The following DLGAP2 variants were observed in gnomAD, a reference collection of about 807,000 sequenced individuals.
The protein encoded by DLGAP2 is DLG associated protein 2.
A neutral mutation model predicts 100.3 loss-of-function variants in DLGAP2; 26 were observed. The ratio of observed to expected loss-of-function variants is 0.26; its 90% CI spans 0.19 to 0.36. The LOEUF (loss-of-function observed/expected upper bound fraction) is 0.36, where lower values mean the gene tolerates loss of function less well. DLGAP2 is among the 10% of genes least tolerant of loss of function. The pLI is 1.00. For synonymous variants in DLGAP2, 886 were observed against 630.1 expected, an observed-to-expected ratio of 1.41 and a Z score of -6.08; for missense variants, 1,858 against 1,453.2, an observed-to-expected ratio of 1.28 and a Z score of -4.53.
At chr8:1,098,043 T>A (rs1279649564) in intron 2 of DLGAP2, among the ~76,000 whole-genome samples, 1 of 152,278 alleles carries the variant, frequency 6.6e-6, no homozygotes, top group Non-Finnish European at 1.5e-5. Flanking sequence ...CTACGTTGAC[T>A]GGTTTTGATC....
chr8:1,566,416 G>A lies in DLGAP2; in HGVS notation c.1442+522G>A, dbSNP rs1341075434. On this transcript the variant is annotated intron_variant, in intron 6 of 14. Transcript: ENST00000637795. ...ATTTATTATTAATAAATTTAATTTT[G>A]AAAATATAGACAGATAAAACTCTTT... is the stretch of plus-strand genomic sequence containing the variant. Among the ~76,000 whole-genome samples, 3 of 152,076 alleles carry A rather than the reference G, an allele frequency of 2.0e-5. No individual in the cohort carries two copies. The East Asian group carries it at 5.8e-4, about 29-fold the overall frequency.
intron 3 of DLGAP2, among the ~76,000 whole-genome samples, chr8:1,484,461 G>A (rs548808170): frequency 2.6e-5 from 4 of 152,364 alleles, no homozygotes; most frequent in South Asian, 4.1e-4. Context: ...GCGACTGGAC[G>A]GCTCTGCCCC....
intron 2 of DLGAP2, among the ~76,000 whole-genome samples, chr8:916,763 C>T (rs1798602919): frequency 6.6e-6 from 1 of 152,224 alleles, no homozygotes; most frequent in South Asian, 2.1e-4. Context: ...GATTTCAAGG[C>T]AAATGGCTGA....
chr8:1,565,451 T>C (rs1033586249), intron 5 of DLGAP2: 68 of 430,524 alleles, frequency 1.6e-4, no homozygotes, highest in Middle Eastern at 5.9e-4. Context: ...TTTTCTCACA[T>C]GTTCTCACTT....
chr8:1,190,046 G>C (rs1797599357), intron 2 of DLGAP2, among the ~76,000 whole-genome samples: 1 of 152,200 alleles, frequency 6.6e-6, no homozygotes, highest in Non-Finnish European at 1.5e-5. Context: ...CTGAGAGTTG[G>C]CAGGCTAATT....
chr8:1,660,678 A>C (rs1032362991), intron 8 of DLGAP2, among the ~76,000 whole-genome samples: 11 of 152,228 alleles, frequency 7.2e-5, no homozygotes, highest in Non-Finnish European at 7.3e-5. Flanking sequence ...GGGGTCATTA[A>C]CAAAGGGACT....
intron 2 of DLGAP2, among the ~76,000 whole-genome samples, chr8:1,258,509 G>A (rs1456811539): frequency 6.6e-6 from 1 of 152,092 alleles, no homozygotes; most frequent in Admixed American, 6.5e-5. Flanking sequence ...CCTGGATGAT[G>A]GATTGATGGT....
intron 1 of DLGAP2, among the ~76,000 whole-genome samples, chr8:779,881 G>T (rs905388001): frequency 6.6e-6 from 1 of 151,708 alleles, no homozygotes; most frequent in African/African-American, 2.4e-5. Context: ...ATTTTAAATT[G>T]ACAAATAATC....
intron 2 of DLGAP2, among the ~76,000 whole-genome samples, chr8:1,124,982 C>A (rs1451256105): frequency 6.6e-6 from 1 of 152,142 alleles, no homozygotes; most frequent in East Asian, 1.9e-4. Flanking sequence ...GCTCTGCCCC[C>A]ACACGGAGGA....
chr8:772,255 A>C (rs1161697042), intron 1 of DLGAP2, among the ~76,000 whole-genome samples: 1 of 152,116 alleles, frequency 6.6e-6, no homozygotes, highest in Non-Finnish European at 1.5e-5. Context: ...AAAACAGGCA[A>C]AATCATGTTT....
At chr8:1,179,529 C>T (rs957373928) in intron 2 of DLGAP2, among the ~76,000 whole-genome samples, 10 of 152,232 alleles carry the variant, frequency 6.6e-5, no homozygotes, top group Non-Finnish European at 1.2e-4. Context: ...ATGAGGCTTC[C>T]ACCTCTCTCC....
At chr8:1,480,865 TAAAAAA>T (rs370921329) in intron 3 of DLGAP2, among the ~76,000 whole-genome samples, 1 of 135,072 alleles carries the variant, frequency 7.4e-6, no homozygotes, top group African/African-American at 2.7e-5. Flanking sequence ...AAACTCCATA[TAAAAAA>T]AAAAGAAAAG....
At position 1,232,423 on chromosome 8, in the gene DLGAP2, C is replaced by A. The variant is rs560571762; in HGVS notation, c.74-26428C>A. On this transcript the variant is annotated intron_variant, in intron 2 of 14. Coordinates refer to ENST00000637795, the MANE Select transcript of DLGAP2 (RefSeq NM_001346810.2). ...CTCTGCCCCATCCCTTTCTCCAGCA[C>A]CCTCATGGTAGTGACTACCAGGGTC... Among the ~76,000 whole-genome samples, 8 of 152,288 alleles carry A rather than the reference C, an allele frequency of 5.3e-5. No homozygotes were observed. In the South Asian group the frequency reaches 8.3e-4, roughly 16 times the overall value.
Position 884,170 on chromosome 8 carries a change from T to C in DLGAP2, c.19-23742T>C, listed in dbSNP as rs192970337. ...GGAATATACCCAGTAATGGGATTGC[T>C]GGGGCAAATGGTATTTCTAGTTCTG... On this transcript the variant is annotated intron_variant, in intron 1 of 14. Transcript: ENST00000637795. 5.1e-3 allele frequency among the ~76,000 whole-genome samples: 773 copies of C among 152,356 alleles called. 8 individuals carry two copies. Among genetic ancestry groups the C allele is most frequent in the African/African-American group, 0.018 (741 of 41,578 alleles).
At chr8:957,230 G>T (rs1488955898) in intron 2 of DLGAP2, among the ~76,000 whole-genome samples, 1 of 152,254 alleles carries the variant, frequency 6.6e-6, no homozygotes, top group Non-Finnish European at 1.5e-5. Context: ...GGCAGGGTCA[G>T]TGCTTGTGGG....
intron 2 of DLGAP2, among the ~76,000 whole-genome samples, chr8:1,084,313 AT>A (rs1190872926): frequency 6.6e-6 from 1 of 152,244 alleles, no homozygotes; most frequent in Non-Finnish European, 1.5e-5. Flanking sequence ...TGGTGCTATG[AT>A]TTATGAATCC....
intron 14 of DLGAP2, among the ~76,000 whole-genome samples, chr8:1,700,867 A>G (rs571862082): frequency 1.3e-5 from 2 of 152,360 alleles, no homozygotes; most frequent in South Asian, 4.1e-4. Flanking sequence ...GAATCGGGCG[A>G]CAATGTCAGA....
intron 3 of DLGAP2, among the ~76,000 whole-genome samples, chr8:1,352,012 C>T (rs1350952225): frequency 1.6e-5 from 1 of 62,792 alleles, no homozygotes; most frequent in Non-Finnish European, 3.4e-5. Context: ...AAAGGCCGTG[C>T]GGATCCTGAC....
intron 8 of DLGAP2, among the ~76,000 whole-genome samples, chr8:1,662,497 G>C (rs1798430983): frequency 6.6e-6 from 1 of 152,176 alleles, no homozygotes; most frequent in Non-Finnish European, 1.5e-5. Flanking sequence ...GAAAACACTA[G>C]ATCAGGTCAT....
Sources: gnomAD v4.1 joint callset for allele counts (sites outside exome capture counted in the v4.1 genomes callset) on GRCh38, gnomAD v4.1.1 for gene constraint, MANE v1.5 for transcripts, NCBI Gene and HGNC (gene_info 2026-07-23, HGNC 2026-07-21) for gene names.